Variants in ANKRD6 observed in about 807,000 individuals in gnomAD.
The protein encoded by ANKRD6 is ankyrin repeat domain 6.
Under a neutral mutation model 82.3 loss-of-function variants are expected in ANKRD6, and 56 were observed. That is an observed-to-expected ratio of 0.68 (90% CI 0.55 to 0.85). The LOEUF (loss-of-function observed/expected upper bound fraction) is 0.85, where lower values mean the gene tolerates loss of function less well. Ranked by LOEUF, ANKRD6 falls within the 40% of genes least tolerant of loss-of-function variation. The pLI is 0.00. For synonymous variants in ANKRD6, 347 were observed against 352.1 expected (o/e 0.99, Z 0.16); for missense variants, 852 against 907.6 (o/e 0.94, Z 0.79).
intron 2 of ANKRD6, among the ~76,000 whole-genome samples, chr6:89,585,057 T>C (rs769804595): frequency 6.6e-6 from 1 of 152,184 alleles, no homozygotes; most frequent in Non-Finnish European, 1.5e-5. Context: ...CTTCAACATA[T>C]CAATTTCAGG....
Position 89,434,961 on chromosome 6 carries a change from T to C in ANKRD6, c.-144+1586T>C, listed in dbSNP as rs189373299. Among the ~76,000 whole-genome samples the C allele has an allele frequency of 1.9e-3, 292 of 152,308 alleles. 5 individuals carry two copies. Among genetic ancestry groups the C allele is most frequent in the Admixed American group, 0.017 (266 of 15,284 alleles). On this transcript the variant is annotated intron_variant, in intron 1 of 15. Coordinates refer to ENST00000339746, the MANE Select transcript of ANKRD6 (RefSeq NM_001242809.2). ...CAACTAGTCGCAGTGTTGGGAGGTA[T>C]AAACCAATGGTAATTTTTAAAAATG... is the stretch of plus-strand genomic sequence containing the variant.
chr6:89,545,969 A>G (rs1420638442), intron 1 of ANKRD6, among the ~76,000 whole-genome samples: 1 of 151,908 alleles, frequency 6.6e-6, no homozygotes, highest in African/African-American at 2.4e-5. Context: ...CACGCCTGGT[A>G]ATTTTTTTGT....
At chr6:89,517,508 CTTG>C (rs1781371011) in intron 1 of ANKRD6, among the ~76,000 whole-genome samples, 1 of 152,012 alleles carries the variant, frequency 6.6e-6, no homozygotes, top group African/African-American at 2.4e-5. Flanking sequence ...ATTAGTTTTC[CTTG>C]TTGTAGTATA....
chr6:89,588,136 A>G (rs1794139184), intron 2 of ANKRD6, among the ~76,000 whole-genome samples: 1 of 149,522 alleles, frequency 6.7e-6, no homozygotes, highest in Non-Finnish European at 1.5e-5. Flanking sequence ...GGAGTCTTCC[A>G]CTTTTTAAAA....
At chr6:89,613,210 T>C (rs1219759602) in intron 6 of ANKRD6, among the ~76,000 whole-genome samples, 1 of 152,154 alleles carries the variant, frequency 6.6e-6, no homozygotes, top group Non-Finnish European at 1.5e-5. Flanking sequence ...CATACCCTTT[T>C]TTTGCTCCCA....
chr6:89,443,433 C>T (rs1417266922), intron 1 of ANKRD6, among the ~76,000 whole-genome samples: 7 of 152,162 alleles, frequency 4.6e-5, no homozygotes, highest in Non-Finnish European at 1.0e-4. Flanking sequence ...ATTTAACAAT[C>T]ACCCCAGATT....
rs773187889 is a variant in ANKRD6 at position 89,567,041 on chromosome 6, A to G, written c.65A>G (p.Gln22Arg). Residue 22 changes from glutamine (Q) to arginine (R), a missense_variant, in exon 2 of 16, where the codon CAA (glutamine) becomes CGA (arginine). Gln to Arg is a conservative substitution (Grantham distance 43). Transcript: ENST00000339746. ...CTTCTCGTAGCTGCGTACAAAGGCC[A>G]AACAGAGAATGTGGTTCAGCTCATC... The part of the protein sequence containing the change: ...ERLLVAAYKG[Q>R]TENVVQLINK... 5 of 1,607,730 alleles carry G rather than the reference A, an allele frequency of 3.1e-6. No individual in the cohort carries two copies. Among genetic ancestry groups the G allele is most frequent in the Non-Finnish European group, 4.2e-6 (5 of 1,177,014 alleles).
chr6:89,607,608 A>G (rs752504260), intron 5 of ANKRD6, among the ~76,000 whole-genome samples: 21 of 148,820 alleles, frequency 1.4e-4, no homozygotes, highest in Non-Finnish European at 2.1e-4. Flanking sequence ...CCTTTCCCAA[A>G]TTTTCCAGAA....
intron 1 of ANKRD6, among the ~76,000 whole-genome samples, chr6:89,443,888 C>T (rs1318766771): frequency 6.6e-6 from 1 of 152,230 alleles, no homozygotes; most frequent in Admixed American, 6.5e-5. Flanking sequence ...TCGTATAAAT[C>T]AAATCACTCA....
At chr6:89,629,010 T>G (rs754404505) in intron 14 of ANKRD6, 102 bp from the exon 15 acceptor site, 2 of 1,318,720 alleles carry the variant, frequency 1.5e-6, no homozygotes, top group South Asian at 2.9e-5. Flanking sequence ...TCAACTGTTA[T>G]AATTGAAAAG....
chr6:89,568,399 G>C (rs967957284), intron 2 of ANKRD6: 14 of 152,176 alleles, frequency 9.2e-5, no homozygotes, highest in African/African-American at 3.4e-4. Flanking sequence ...TAGTCTGCAA[G>C]TTTTTTCTAT....
intron 5 of ANKRD6, among the ~76,000 whole-genome samples, chr6:89,607,880 CCG>C (rs1174546241): frequency 0.15 from 22,322 of 145,978 alleles, 2,472 homozygotes; most frequent in South Asian, 0.25. Context: ...ACTCCTGACC[CCG>C]TGATCTGCCC....
rs149337546 is a variant in ANKRD6, at chr6:89,632,170, A to G, written c.*1166A>G. 2.8e-4 allele frequency: 43 copies of G among 152,352 alleles called. No individual in the cohort carries two copies. Among genetic ancestry groups the G allele is most frequent in the African/African-American group, 9.6e-4 (40 of 41,588 alleles). 9.4% of individuals were successfully genotyped at this position (152,352 alleles called of 1,614,324 possible). Reference sequence around the variant, plus strand: ...GCACAGAAACTTCAGTTCTATTTCTATAGACACAGGAACCTAGTGACTATT... The same window carrying G: ...GCACAGAAACTTCAGTTCTATTTCTGTAGACACAGGAACCTAGTGACTATT... On this transcript the variant is annotated 3_prime_UTR_variant, in exon 16 of 16. Coordinates refer to ENST00000339746, the MANE Select transcript of ANKRD6 (RefSeq NM_001242809.2).
At chr6:89,477,408 A>C (rs1227225800) in intron 1 of ANKRD6, among the ~76,000 whole-genome samples, 1 of 152,112 alleles carries the variant, frequency 6.6e-6, no homozygotes, top group Admixed American at 6.5e-5. Flanking sequence ...TTGAGATCAT[A>C]CACCATCATT....
At chr6:89,437,379 A>G (rs1770784860) in intron 1 of ANKRD6, among the ~76,000 whole-genome samples, 1 of 152,204 alleles carries the variant, frequency 6.6e-6, no homozygotes, top group Non-Finnish European at 1.5e-5. Context: ...TCCAGGACCA[A>G]TTCCTCAAGA....
At chr6:89,458,325 G>A (rs887661343) in intron 1 of ANKRD6, among the ~76,000 whole-genome samples, 1 of 152,194 alleles carries the variant, frequency 6.6e-6, no homozygotes, top group African/African-American at 2.4e-5. Flanking sequence ...AGAACTAACA[G>A]GATATATGTA....
chr6:89,581,900 G>A (rs1243507103), intron 2 of ANKRD6, among the ~76,000 whole-genome samples: 3 of 152,196 alleles, frequency 2.0e-5, no homozygotes, highest in Admixed American at 6.5e-5. Context: ...TGTGGAGCAG[G>A]TGTCTTTTCA....
chr6:89,491,872 T>G (rs1188760307), intron 1 of ANKRD6, among the ~76,000 whole-genome samples: 1 of 152,124 alleles, frequency 6.6e-6, no homozygotes, highest in Non-Finnish European at 1.5e-5. Flanking sequence ...AGATGAAGGG[T>G]CACAGAGAAG....
chr6:89,454,064 A>T (rs1773218524), intron 1 of ANKRD6, among the ~76,000 whole-genome samples: 1 of 152,004 alleles, frequency 6.6e-6, no homozygotes. Context: ...CACCCTCCCA[A>T]AGTGCTGGGA....
Sources: allele counts gnomAD v4.1 joint callset (sites outside exome capture counted in the v4.1 genomes callset), GRCh38; gene constraint gnomAD v4.1.1; transcripts MANE v1.5; gene names NCBI Gene and HGNC (gene_info 2026-07-23, HGNC 2026-07-21).